USP12: variants seen among roughly 807,000 people sequenced by gnomAD.
USP12 encodes ubiquitin specific peptidase 12, also known as ubiquitin carboxyl-terminal hydrolase 12.
A neutral mutation model predicts 45.5 loss-of-function variants in USP12; 19 were observed. The ratio of observed to expected loss-of-function variants is 0.42; its 90% CI spans 0.29 to 0.61. The LOEUF is 0.61. Among genes scored for constraint, USP12 ranks in the 20% least tolerant of loss-of-function variants. The pLI is 0.22. For missense variants in USP12, 242 were observed against 447.7 expected, an observed-to-expected ratio of 0.54 and a Z score of 4.15; for synonymous variants, 149 against 148.8, an observed-to-expected ratio of 1.00 and a Z score of -0.01.
At chr13:27,130,419 A>C (rs924276152) in intron 1 of USP12, among the ~76,000 whole-genome samples, 1 of 152,156 alleles carries the variant, frequency 6.6e-6, no homozygotes, top group Non-Finnish European at 1.5e-5. Context: ...TGGTTTAGAA[A>C]AGTCATTATA....
At chr13:27,103,607 A>AAAAAAAAT (rs372985958) in intron 3 of USP12, among the ~76,000 whole-genome samples, 27,456 of 127,688 alleles carry the variant, frequency 0.22, 2,984 homozygotes, top group South Asian at 0.38. Context: ...TCAAAAAAAA[A>AAAAAAAAT]AATAATAATA....
At chr13:27,074,390 A>C (rs1873384341) in intron 7 of USP12, among the ~76,000 whole-genome samples, 1 of 151,344 alleles carries the variant, frequency 6.6e-6, no homozygotes, top group South Asian at 2.1e-4. Context: ...ACAGAGCAAG[A>C]CTCCATCTCA....
At chr13:27,124,916 G>A (rs1876156289) in intron 1 of USP12, among the ~76,000 whole-genome samples, 1 of 152,206 alleles carries the variant, frequency 6.6e-6, no homozygotes, top group South Asian at 2.1e-4. Flanking sequence ...ATTATACAAT[G>A]AGTTTGAGGA....
intron 1 of USP12, among the ~76,000 whole-genome samples, chr13:27,121,279 C>T (rs2137801514): frequency 6.6e-6 from 1 of 151,464 alleles, no homozygotes; most frequent in East Asian, 1.9e-4. Flanking sequence ...AAGTCTGTGA[C>T]CCAAATTTCC....
chr13:27,113,191 G>A (rs1201719141), intron 2 of USP12, among the ~76,000 whole-genome samples: 4 of 150,986 alleles, frequency 2.6e-5, no homozygotes, highest in African/African-American at 5.0e-5. Context: ...CCAGGGAGGC[G>A]AAACTGCAGT....
chr13:27,090,025 A>G (rs1874241303), intron 5 of USP12, 57 bp downstream of exon 5: 1 of 1,581,464 alleles, frequency 6.3e-7, no homozygotes, highest in African/African-American at 1.4e-5. Flanking sequence ...GTATCTTAAA[A>G]AATATTCCAG....
intron 1 of USP12, among the ~76,000 whole-genome samples, chr13:27,166,441 G>A (rs4769542): frequency 0.46 from 70,372 of 151,930 alleles, 17,114 homozygotes; most frequent in East Asian, 0.8. Flanking sequence ...GGCAGACTCA[G>A]TTTGGGGGGA....
intron 2 of USP12, among the ~76,000 whole-genome samples, chr13:27,108,103 A>G (rs1875232252): frequency 6.6e-6 from 1 of 152,118 alleles, no homozygotes; most frequent in Admixed American, 6.6e-5. Flanking sequence ...TTGCGGCACT[A>G]TTCACAATAG....
At chr13:27,070,115 GA>G in intron 8 of USP12, among the ~76,000 whole-genome samples, 1 of 152,276 alleles carries the variant, frequency 6.6e-6, no homozygotes, top group East Asian at 1.9e-4. Flanking sequence ...AGTAGAAAAT[GA>G]CAAAGCAGTG....
intron 1 of USP12, among the ~76,000 whole-genome samples, chr13:27,163,777 AAAAAAAAAG>A (rs1284688039): frequency 2.1e-5 from 3 of 139,846 alleles, no homozygotes; most frequent in Admixed American, 7.3e-5. Context: ...TTAAAAAAAA[AAAAAAAAAG>A]AAAAAAAAAA....
At chr13:27,110,122 C>G (rs1428932300) in intron 2 of USP12, among the ~76,000 whole-genome samples, 1 of 36,628 alleles carries the variant, frequency 2.7e-5, no homozygotes, top group African/African-American at 8.8e-5. Flanking sequence ...ATTTCCTTTT[C>G]CAGGTAAAAA....
chr13:27,123,471 C>A (rs1165368287), intron 1 of USP12, among the ~76,000 whole-genome samples: 1 of 152,166 alleles, frequency 6.6e-6, no homozygotes, highest in East Asian at 1.9e-4. Context: ...AATAGCCATC[C>A]AATACTAAGA....
chr13:27,090,074 A>G lies in USP12; in HGVS notation c.650+8T>C. 1 of 1,586,698 alleles carries G rather than the reference A, an allele frequency of 6.3e-7. No homozygotes were observed. Among genetic ancestry groups the G allele is most frequent in the Non-Finnish European group, 8.6e-7 (1 of 1,161,552 alleles). ...ATTAAATTTCAAACTAAATAATTCT[A>G]CATATACCTTAAGCAGTGAGTAATT... On this transcript the variant is annotated splice_region_variant and intron_variant, in intron 5 of 8. Coordinates refer to ENST00000282344, the MANE Select transcript of USP12 (RefSeq NM_182488.4).
At chr13:27,121,005 C>T (rs138723643) in intron 1 of USP12, among the ~76,000 whole-genome samples, 103 of 152,286 alleles carry the variant, frequency 6.8e-4, no homozygotes, top group Middle Eastern at 3.4e-3. Flanking sequence ...AAATTCTCTT[C>T]TAACAGCTGA....
chr13:27,151,057 T>C (rs1231916378), intron 1 of USP12, among the ~76,000 whole-genome samples: 1 of 152,068 alleles, frequency 6.6e-6, no homozygotes, highest in African/African-American at 2.4e-5. Flanking sequence ...GGCCAGACGC[T>C]GTGGCTCACA....
At chr13:27,099,917 C>T (rs139569660) in intron 3 of USP12, among the ~76,000 whole-genome samples, 1,572 of 152,294 alleles carry the variant, frequency 0.01, 13 homozygotes, top group Non-Finnish European at 0.015. Flanking sequence ...CCTACATGGA[C>T]TTAACAACTA....
At chr13:27,092,372 A>G (rs1470908420) in intron 4 of USP12, among the ~76,000 whole-genome samples, 1 of 152,232 alleles carries the variant, frequency 6.6e-6, no homozygotes, top group Non-Finnish European at 1.5e-5. Context: ...ACTTGATTCT[A>G]AAGTTTACAT....
intron 6 of USP12, among the ~76,000 whole-genome samples, chr13:27,080,726 G>GGACCGCAATAAAGTGAA (rs1269102472): frequency 6.6e-6 from 1 of 152,144 alleles, no homozygotes; most frequent in African/African-American, 2.4e-5. Context: ...AATAAAGTGA[G>GGACCGCAATAAAGTGAA]GACCGCAATA....
intron 1 of USP12, 123 bp from the exon 2 acceptor site, chr13:27,116,719 A>G (rs1875760926): frequency 1.3e-6 from 1 of 768,156 alleles, no homozygotes; most frequent in East Asian, 2.9e-5. Context: ...TGCCCTACAC[A>G]GGTGCGTCTT....
Sources: gnomAD v4.1 joint callset for allele counts (sites outside exome capture counted in the v4.1 genomes callset) on GRCh38, gnomAD v4.1.1 for gene constraint, MANE v1.5 for transcripts, NCBI Gene and HGNC (gene_info 2026-07-23, HGNC 2026-07-21) for gene names.